Variants in OSBPL1A observed in about 807,000 individuals in gnomAD.
The protein encoded by OSBPL1A is oxysterol-binding protein-related protein 1.
Under a neutral mutation model 137.1 loss-of-function variants are expected in OSBPL1A, and 80 were observed. The observed-to-expected ratio is 0.58, with a 90% CI of 0.49 to 0.70. OSBPL1A has a LOEUF of 0.70. Ranked by LOEUF, OSBPL1A falls within the 30% of genes least tolerant of loss-of-function variation. The pLI, the probability that OSBPL1A is intolerant of heterozygous loss-of-function variation, is 0.00. For synonymous variants in OSBPL1A, 365 were observed against 389.7 expected (o/e 0.94, Z 0.75); for missense variants, 970 against 1,129.4 (o/e 0.86, Z 2.02).
chr18:24,223,245 C>T (rs1432122149), intron 17 of OSBPL1A, among the ~76,000 whole-genome samples: 1 of 152,014 alleles, frequency 6.6e-6, no homozygotes, highest in Non-Finnish European at 1.5e-5. Flanking sequence ...ACTCTTGTTT[C>T]CTATTCTAAA....
chr18:24,376,765 C>T (rs1186805685), intron 2 of OSBPL1A, among the ~76,000 whole-genome samples: 1 of 152,362 alleles, frequency 6.6e-6, no homozygotes, highest in African/African-American at 2.4e-5. Context: ...TCCAGCGCAG[C>T]GCCGGTGGGC....
chr18:24,205,676 T>C (rs1051961081), intron 17 of OSBPL1A, among the ~76,000 whole-genome samples: 6 of 152,196 alleles, frequency 3.9e-5, no homozygotes, highest in African/African-American at 1.4e-4. Context: ...GCCTGAGTTG[T>C]TAAAGATTTA....
chr18:24,392,604 A>G (rs1044838104), intron 1 of OSBPL1A, among the ~76,000 whole-genome samples: 4 of 152,244 alleles, frequency 2.6e-5, no homozygotes, highest in African/African-American at 7.2e-5. Flanking sequence ...TGAATGAGAA[A>G]AATTAAATGT....
At chr18:24,219,391 G>T (rs892421186) in intron 17 of OSBPL1A, among the ~76,000 whole-genome samples, 3 of 152,122 alleles carry the variant, frequency 2.0e-5, no homozygotes, top group African/African-American at 7.2e-5. Context: ...TGGGAATCAA[G>T]GGTTCATTAT....
At chr18:24,357,632 C>T (rs2091559295) in intron 4 of OSBPL1A, 1 of 152,046 alleles carries the variant, frequency 6.6e-6, no homozygotes, top group African/African-American at 2.4e-5. Flanking sequence ...TTTGGGGTCC[C>T]AAAATTTAAT....
At chr18:24,303,834 C>A in intron 13 of OSBPL1A, 116 bp from the exon 14 acceptor site, 3 of 723,590 alleles carry the variant, frequency 4.1e-6, no homozygotes, top group South Asian at 2.0e-5. Context: ...ATAACAGAGA[C>A]ATATGCCTTA....
intron 15 of OSBPL1A, among the ~76,000 whole-genome samples, chr18:24,267,257 A>G (rs2089602325): frequency 6.6e-6 from 1 of 151,894 alleles, no homozygotes. Flanking sequence ...CCAAAAAGAA[A>G]TAGAAAACTA....
chr18:24,251,233 A>G (rs2146027360), intron 15 of OSBPL1A, among the ~76,000 whole-genome samples: 1 of 152,300 alleles, frequency 6.6e-6, no homozygotes, highest in South Asian at 2.1e-4. Flanking sequence ...CCACCTGGTG[A>G]CTACGTAGAT....
chr18:24,290,089 A>G (rs2090148636), intron 14 of OSBPL1A, among the ~76,000 whole-genome samples: 1 of 152,120 alleles, frequency 6.6e-6, no homozygotes, highest in Admixed American at 6.6e-5. Context: ...TTTGCTTTAT[A>G]CTAGATAATA....
At chr18:24,166,558 G>T (rs748678078) in intron 26 of OSBPL1A, 21 bp downstream of exon 26, 2 of 1,597,792 alleles carry the variant, frequency 1.3e-6, no homozygotes, top group South Asian at 1.1e-5. Context: ...TTCACTGGTG[G>T]CTTTGGCGGA....
intron 15 of OSBPL1A, among the ~76,000 whole-genome samples, chr18:24,274,658 A>G (rs1216944782): frequency 2.0e-5 from 3 of 152,232 alleles, no homozygotes; most frequent in Non-Finnish European, 4.4e-5. Context: ...CTGTAATCAC[A>G]GCACTCTGGG....
At chr18:24,272,200 C>T in intron 15 of OSBPL1A, 3 of 983,222 alleles carry the variant, frequency 3.1e-6, no homozygotes, top group Non-Finnish European at 3.6e-6. Flanking sequence ...AGCTGCTGTG[C>T]GCTCGGCCCT....
At chr18:24,353,897 A>G (rs1348836509) in intron 4 of OSBPL1A, among the ~76,000 whole-genome samples, 1 of 130,258 alleles carries the variant, frequency 7.7e-6, no homozygotes, top group East Asian at 2.3e-4. Flanking sequence ...GAAGGGGAAC[A>G]TCACACACTG....
intron 4 of OSBPL1A, among the ~76,000 whole-genome samples, chr18:24,360,682 C>G (rs1160608712): frequency 1.3e-5 from 2 of 152,188 alleles, no homozygotes; most frequent in East Asian, 3.9e-4. Flanking sequence ...GGGCCAATGT[C>G]TGTTGGAGTT....
chr18:24,176,474 A>ATT (rs533631917), intron 21 of OSBPL1A, among the ~76,000 whole-genome samples: 225 of 142,508 alleles, frequency 1.6e-3, no homozygotes, highest in African/African-American at 2.3e-3. Context: ...AAATACTTCT[A>ATT]TTTTTTTTTT....
At chr18:24,285,653 T>G (rs982194763) in intron 14 of OSBPL1A, among the ~76,000 whole-genome samples, 1 of 152,178 alleles carries the variant, frequency 6.6e-6, no homozygotes, top group East Asian at 1.9e-4. Context: ...TGAATATGTA[T>G]GTGGCTTTTT....
At position 24,225,309 on chromosome 18, in the gene OSBPL1A, G is replaced by T; in HGVS notation, c.1445-111C>A. 6.2e-6 allele frequency: 7 copies of T among 1,121,580 alleles called. No individual in the cohort carries two copies. In the South Asian group the frequency reaches 7.5e-5, roughly 12 times the overall value. The allele number at this position is 1,121,580 out of a possible 1,614,324, so 69.5% of individuals were successfully genotyped here. On this transcript the variant is annotated intron_variant, in intron 16 of 27. Transcript: ENST00000319481. Reference sequence around the variant, plus strand: ...CTTTGAAACCTAAGCAGCCTACTTTGTCCCTCAACAATCCATCTGTTAACT... The same window carrying T: ...CTTTGAAACCTAAGCAGCCTACTTTTTCCCTCAACAATCCATCTGTTAACT...
At chr18:24,241,392 A>G (rs2088685727) in intron 15 of OSBPL1A, among the ~76,000 whole-genome samples, 2 of 152,228 alleles carry the variant, frequency 1.3e-5, no homozygotes, top group Admixed American at 6.5e-5. Flanking sequence ...ACAAAGGGCT[A>G]ATATCCAGAA....
intron 14 of OSBPL1A, among the ~76,000 whole-genome samples, chr18:24,294,312 ACCT>A (rs2090250795): frequency 2.6e-5 from 4 of 151,324 alleles, no homozygotes; most frequent in African/African-American, 9.7e-5. Context: ...GCTCACTGCA[ACCT>A]CCTCCTCCTG....
Sources: gnomAD v4.1 joint callset for allele counts (sites outside exome capture counted in the v4.1 genomes callset) on GRCh38, gnomAD v4.1.1 for gene constraint, MANE v1.5 for transcripts, NCBI Gene and HGNC (gene_info 2026-07-23, HGNC 2026-07-21) for gene names.